THSD4: variants seen among roughly 807,000 people sequenced by gnomAD.
The protein encoded by THSD4 is thrombospondin type-1 domain-containing protein 4.
THSD4 carries 69 observed loss-of-function variants against 119.0 expected under a neutral mutation model. That is an observed-to-expected ratio of 0.58 (90% CI 0.48 to 0.71). The LOEUF (loss-of-function observed/expected upper bound fraction) is 0.71, where lower values mean the gene tolerates loss of function less well. Among genes scored for constraint, THSD4 ranks in the 30% least tolerant of loss-of-function variants. The probability of loss-of-function intolerance (pLI) is 0.00; values close to 1 mark genes in which losing one functional copy is unlikely to be tolerated. For synonymous variants in THSD4, 524 were observed against 540.4 expected (o/e 0.97, Z 0.42); for missense variants, 1,393 against 1,391.1 (o/e 1.00, Z -0.02).
intron 15 of THSD4, among the ~76,000 whole-genome samples, chr15:71,763,949 C>T (rs948903364): frequency 6.6e-6 from 1 of 152,046 alleles, no homozygotes. Flanking sequence ...GCCTGTAATT[C>T]CCAGCTACTC....
intron 13 of THSD4, 109 bp from the exon 14 acceptor site, chr15:71,748,312 G>A (rs992139404): frequency 1.1e-5 from 15 of 1,344,162 alleles, no homozygotes; most frequent in Non-Finnish European, 1.5e-5. Flanking sequence ...ATGCATGACA[G>A]AGCCTCAGTC....
At chr15:71,281,659 G>A (rs535030388) in intron 6 of THSD4, among the ~76,000 whole-genome samples, 3 of 152,176 alleles carry the variant, frequency 2.0e-5, no homozygotes, top group Non-Finnish European at 4.4e-5. Context: ...AATTCAGTGC[G>A]TATGACTGTT....
intron 5 of THSD4, among the ~76,000 whole-genome samples, chr15:71,243,839 C>G (rs990979346): frequency 4.6e-5 from 6 of 129,220 alleles, no homozygotes; most frequent in Non-Finnish European, 9.4e-5. Flanking sequence ...GGCTGGAGCA[C>G]AGTGGCGCGA....
chr15:71,340,603 C>CT (rs780712768), intron 6 of THSD4, among the ~76,000 whole-genome samples: 4,631 of 115,110 alleles, frequency 0.04, 170 homozygotes, highest in African/African-American at 0.06. Flanking sequence ...CATCCAGAGA[C>CT]TTTTTTTTTT....
At chr15:71,442,660 G>GTGTGTGTATGTATGTATATATATA in intron 7 of THSD4, among the ~76,000 whole-genome samples, 18 of 25,792 alleles carry the variant, frequency 7.0e-4, no homozygotes, top group Admixed American at 1.0e-3. Context: ...GTGTGTGTGT[G>GTGTGTGTATGTATGTATATATATA]TATATATATA....
intron 7 of THSD4, among the ~76,000 whole-genome samples, chr15:71,567,237 C>A (rs1248864826): frequency 1.3e-5 from 2 of 152,120 alleles, no homozygotes; most frequent in Non-Finnish European, 2.9e-5. Flanking sequence ...CCAGAGAGGT[C>A]TTTGCTTTAG....
At chr15:71,701,917 A>T (rs1019587078) in intron 8 of THSD4, among the ~76,000 whole-genome samples, 4 of 152,328 alleles carry the variant, frequency 2.6e-5, no homozygotes, top group Admixed American at 6.5e-5. Context: ...ATTTAAAAAA[A>T]ATTAAAATTG....
chr15:71,703,210 G>A (rs2141074988), intron 8 of THSD4, among the ~76,000 whole-genome samples: 1 of 152,290 alleles, frequency 6.6e-6, no homozygotes, highest in African/African-American at 2.4e-5. Flanking sequence ...CCCAACCTCA[G>A]GTGATCTAGC....
In THSD4 at chr15:71,294,992, A is replaced by G. The variant is rs571959868; in HGVS notation, c.1015+38277A>G. On this transcript the variant is annotated intron_variant, in intron 6 of 17. Transcript: ENST00000261862. ...AGTTTTATGGCACCTGGGAACTGGG[A>G]TCAAGCTGGGACTGGGTCCAAGATT... 6.7e-5 allele frequency among the ~76,000 whole-genome samples: 10 copies of G among 149,638 alleles called. No individual in the cohort carries two copies. The East Asian group carries it at 2.0e-3, about 29-fold the overall frequency.
rs576058624 is a variant in THSD4 at position 71,288,588 on chromosome 15, C to T, written c.1015+31873C>T. ...AGCTGGAAACCAAAGGGCAAGGGCT[C>T]CTTTCTGGGACATAGAATGGGACAA... On this transcript the variant is annotated intron_variant, in intron 6 of 17. Coordinates refer to ENST00000261862, the MANE Select transcript of THSD4 (RefSeq NM_024817.3). 4.6e-5 allele frequency among the ~76,000 whole-genome samples: 7 copies of T among 152,162 alleles called. No individual in the cohort carries two copies. The South Asian group carries it at 6.2e-4, about 14-fold the overall frequency.
At chr15:71,153,630 C>T (rs890668218) in intron 2 of THSD4, among the ~76,000 whole-genome samples, 3 of 152,182 alleles carry the variant, frequency 2.0e-5, no homozygotes, top group Non-Finnish European at 4.4e-5. Context: ...GAAGCTTTAT[C>T]TAACTCCACA....
chr15:71,517,198 GC>G (rs1334097713), intron 7 of THSD4, among the ~76,000 whole-genome samples: 1 of 152,168 alleles, frequency 6.6e-6, no homozygotes, highest in Non-Finnish European at 1.5e-5. Flanking sequence ...CAAGTAAGCA[GC>G]AAGACAAGTC....
chr15:71,366,257 G>A (rs2045962481), intron 6 of THSD4, among the ~76,000 whole-genome samples: 1 of 152,064 alleles, frequency 6.6e-6, no homozygotes, highest in South Asian at 2.1e-4. Flanking sequence ...TGTATTTTTA[G>A]TACAGACGGG....
intron 5 of THSD4, among the ~76,000 whole-genome samples, chr15:71,254,301 C>T (rs1407075848): frequency 6.6e-6 from 1 of 152,206 alleles, no homozygotes; most frequent in Non-Finnish European, 1.5e-5. Flanking sequence ...GAGCCTTTGG[C>T]AAGGCTTGCC....
At chr15:71,536,504 A>G (rs957242731) in intron 7 of THSD4, among the ~76,000 whole-genome samples, 1 of 152,186 alleles carries the variant, frequency 6.6e-6, no homozygotes, top group African/African-American at 2.4e-5. Context: ...TATGTAATGT[A>G]ACATATTCAC....
At chr15:71,194,709 C>A (rs2043704548) in intron 3 of THSD4, among the ~76,000 whole-genome samples, 1 of 152,152 alleles carries the variant, frequency 6.6e-6, no homozygotes, top group Non-Finnish European at 1.5e-5. Context: ...CCCTTAAGTG[C>A]CTCAAAAACT....
intron 6 of THSD4, among the ~76,000 whole-genome samples, chr15:71,335,629 TCTAA>T (rs1392094055): frequency 1.3e-5 from 2 of 152,072 alleles, no homozygotes; most frequent in East Asian, 3.9e-4. Flanking sequence ...TTTTACCATC[TCTAA>T]CTAAATGAAC....
chr15:71,620,075 G>T (rs931591296), intron 7 of THSD4, among the ~76,000 whole-genome samples: 1 of 152,150 alleles, frequency 6.6e-6, no homozygotes, highest in Non-Finnish European at 1.5e-5. Flanking sequence ...GCCTTTGAGA[G>T]TCCTAAGAAG....
At chr15:71,338,526 C>T (rs776928946) in intron 6 of THSD4, among the ~76,000 whole-genome samples, 3 of 152,038 alleles carry the variant, frequency 2.0e-5, no homozygotes, top group Admixed American at 6.6e-5. Flanking sequence ...GAGGTTCTTT[C>T]GGCTCTGATT....
Sources: gnomAD v4.1 joint callset for allele counts (sites outside exome capture counted in the v4.1 genomes callset) on GRCh38, gnomAD v4.1.1 for gene constraint, MANE v1.5 for transcripts, NCBI Gene and HGNC (gene_info 2026-07-23, HGNC 2026-07-21) for gene names.